Variants in IL23R observed in about 807,000 individuals in gnomAD.
IL23R encodes the protein interleukin-23 receptor.
Under a neutral mutation model 56.9 loss-of-function variants are expected in IL23R, and 34 were observed. The observed-to-expected ratio is 0.60, with a 90% CI of 0.45 to 0.80. The LOEUF is 0.80. IL23R is among the 30% of genes least tolerant of loss of function. IL23R has a pLI of 0.00. For synonymous variants in IL23R, 230 were observed against 249.2 expected (o/e 0.92, Z 0.73); for missense variants, 635 against 730.0 (o/e 0.87, Z 1.50).
chr1:67,257,474 A>G (rs1653012422), intron 10 of IL23R, among the ~76,000 whole-genome samples: 1 of 151,846 alleles, frequency 6.6e-6, no homozygotes, highest in Non-Finnish European at 1.5e-5. Flanking sequence ...ATAACATCAC[A>G]TTGGCTTCAA....
chr1:67,191,310 C>A (rs564037457), intron 4 of IL23R, among the ~76,000 whole-genome samples: 1 of 152,306 alleles, frequency 6.6e-6, no homozygotes, highest in African/African-American at 2.4e-5. Context: ...ACCACAGCCT[C>A]CCTCATTGAC....
intron 1 of IL23R, among the ~76,000 whole-genome samples, chr1:67,157,586 T>G (rs1646780249): frequency 6.6e-6 from 1 of 152,224 alleles, no homozygotes; most frequent in South Asian, 2.1e-4. Flanking sequence ...GCCTCCATAC[T>G]GATCCTTGAA....
intron 7 of IL23R, among the ~76,000 whole-genome samples, chr1:67,229,374 C>T (rs1650947428): frequency 6.6e-6 from 1 of 152,152 alleles, no homozygotes; most frequent in African/African-American, 2.4e-5. Flanking sequence ...TGGGGAGGGG[C>T]ATGGAGCTTC....
chr1:67,165,254 A>T (rs1646861983), upstream of IL23R, among the ~76,000 whole-genome samples: 1 of 152,152 alleles, frequency 6.6e-6, no homozygotes, highest in Admixed American at 6.5e-5. Flanking sequence ...ACAAAACTAC[A>T]ATTAGATATC....
chr1:67,156,095 C>G (rs1264281354), intron 1 of IL23R, among the ~76,000 whole-genome samples: 1 of 152,174 alleles, frequency 6.6e-6, no homozygotes, highest in African/African-American at 2.4e-5. Flanking sequence ...ACTCCAGACT[C>G]TATTCTCCTG....
chr1:67,207,266 C>T, intron 6 of IL23R: 1 of 644,594 alleles, frequency 1.6e-6, no homozygotes, highest in South Asian at 1.7e-5. Context: ...GGATATATTG[C>T]ATGGTATTGA....
chr1:67,210,094 T>C (rs1406042930), intron 6 of IL23R, among the ~76,000 whole-genome samples: 1 of 152,226 alleles, frequency 6.6e-6, no homozygotes, highest in East Asian at 1.9e-4. Flanking sequence ...ATTACCAGTA[T>C]AGGCCTGAGT....
At chr1:67,262,425 GT>G (rs1653225739), downstream of IL23R, among the ~76,000 whole-genome samples, 1 of 152,158 alleles carries the variant, frequency 6.6e-6, no homozygotes, top group Non-Finnish European at 1.5e-5. Flanking sequence ...TAGCAAATCG[GT>G]GGCCACTTTA....
chr1:67,167,206 G>T (rs1414150802), intron 1 of IL23R, among the ~76,000 whole-genome samples: 3 of 152,108 alleles, frequency 2.0e-5, no homozygotes, highest in African/African-American at 7.2e-5. Flanking sequence ...GGGTAGCTGG[G>T]ATGACCGTCA....
intron 1 of IL23R, among the ~76,000 whole-genome samples, chr1:67,159,594 G>A (rs1646800108): frequency 6.6e-6 from 1 of 152,098 alleles, no homozygotes; most frequent in Non-Finnish European, 1.5e-5. Flanking sequence ...AAGATGGATG[G>A]ACCAAAATGA....
intron 5 of IL23R, among the ~76,000 whole-genome samples, chr1:67,206,229 G>A (rs1649046098): frequency 6.6e-6 from 1 of 152,122 alleles, no homozygotes; most frequent in African/African-American, 2.4e-5. Flanking sequence ...GACCAGGCTG[G>A]TCTCAAACTC....
intron 6 of IL23R, among the ~76,000 whole-genome samples, chr1:67,212,543 C>CTTTTTTT (rs71663275): frequency 1.4e-5 from 2 of 145,100 alleles, no homozygotes; most frequent in African/African-American, 5.0e-5. Flanking sequence ...GTCATGCAAT[C>CTTTTTTT]TTTTTTTTTT....
At position 67,183,642 on chromosome 1, in the gene IL23R, A is replaced by G. The variant is rs11465790; in HGVS notation, c.491+683A>G. On this transcript the variant is annotated intron_variant, in intron 4 of 10. Coordinates refer to ENST00000347310, the MANE Select transcript of IL23R (RefSeq NM_144701.3). Reference sequence around the variant, plus strand: ...AATTGCTATTATTTTTAATCTTTAAATGGGCCTAAAAATAAAACATAACAC... The same window carrying G: ...AATTGCTATTATTTTTAATCTTTAAGTGGGCCTAAAAATAAAACATAACAC... Among the ~76,000 whole-genome samples, 426 of 152,344 alleles carry G rather than the reference A, an allele frequency of 2.8e-3. 2 individuals carry two copies. Among genetic ancestry groups the G allele is most frequent in the African/African-American group, 9.9e-3 (410 of 41,578 alleles).
intron 1 of IL23R, among the ~76,000 whole-genome samples, chr1:67,149,235 C>T (rs1005740502): frequency 6.6e-6 from 1 of 152,126 alleles, no homozygotes; most frequent in Non-Finnish European, 1.5e-5. Flanking sequence ...GGAGGGGGAG[C>T]ATTGAGCACT....
At chr1:67,152,382 T>C (rs1558216832) in intron 1 of IL23R, among the ~76,000 whole-genome samples, 1 of 152,206 alleles carries the variant, frequency 6.6e-6, no homozygotes, top group Non-Finnish European at 1.5e-5. Flanking sequence ...TTTCTAAATA[T>C]ACAAACATGT....
chr1:67,244,827 A>G (rs1652104102), intron 9 of IL23R, among the ~76,000 whole-genome samples: 1 of 152,160 alleles, frequency 6.6e-6, no homozygotes. Context: ...AATTTAAAGT[A>G]GTTTTTTCCA....
chr1:67,208,464 G>A (rs913842751), intron 6 of IL23R, among the ~76,000 whole-genome samples: 2 of 152,228 alleles, frequency 1.3e-5, no homozygotes, highest in Admixed American at 6.5e-5. Context: ...TCACTGTGCT[G>A]TGTGCAGCTT....
intron 3 of IL23R, among the ~76,000 whole-genome samples, chr1:67,182,026 G>A (rs917395710): frequency 4.6e-5 from 7 of 152,292 alleles, no homozygotes; most frequent in African/African-American, 9.6e-5. Context: ...GCCATGTGAC[G>A]TGTCAGTCTG....
At chr1:67,205,286 T>C (rs1346853438) in intron 5 of IL23R, among the ~76,000 whole-genome samples, 1 of 152,242 alleles carries the variant, frequency 6.6e-6, no homozygotes, top group Admixed American at 6.5e-5. Flanking sequence ...CTGTAAATCA[T>C]CTACCTTTGC....
Sources: allele counts gnomAD v4.1 joint callset (sites outside exome capture counted in the v4.1 genomes callset), GRCh38; gene constraint gnomAD v4.1.1; transcripts MANE v1.5; gene names NCBI Gene and HGNC (gene_info 2026-07-23, HGNC 2026-07-21).